GLIS3: variants seen among roughly 807,000 people sequenced by gnomAD.
GLIS3 encodes GLIS family zinc finger 3.
GLIS3 carries 53 observed loss-of-function variants against 78.6 expected under a neutral mutation model. The observed-to-expected ratio is 0.67, with a 90% CI of 0.54 to 0.85. GLIS3 has a LOEUF of 0.85. Ranked by LOEUF, GLIS3 falls within the 40% of genes least tolerant of loss-of-function variation. GLIS3 has a pLI of 0.00. For missense variants in GLIS3, 1,703 were observed against 1,231.1 expected (o/e 1.38, Z -5.74); for synonymous variants, 684 against 509.9 (o/e 1.34, Z -4.60).
At chr9:4,332,323 C>T (rs1355282897) in intron 2 of GLIS3, among the ~76,000 whole-genome samples, 2 of 152,296 alleles carry the variant, frequency 1.3e-5, no homozygotes, top group African/African-American at 2.4e-5. Context: ...TTAACTGGCC[C>T]TCATTACCCA....
At chr9:4,287,271 A>G (rs1563901691) in intron 1 of GLIS3, among the ~76,000 whole-genome samples, 1 of 152,202 alleles carries the variant, frequency 6.6e-6, no homozygotes, top group South Asian at 2.1e-4. Flanking sequence ...CGTCCCTTCT[A>G]AAAGTGACCT....
At chr9:3,925,710 A>G (rs1825175187) in intron 6 of GLIS3, among the ~76,000 whole-genome samples, 1 of 152,128 alleles carries the variant, frequency 6.6e-6, no homozygotes, top group African/African-American at 2.4e-5. Flanking sequence ...AACTTAAACA[A>G]TTGGGAAAAT....
intron 2 of GLIS3, among the ~76,000 whole-genome samples, chr9:4,230,932 T>C (rs1239507698): frequency 6.6e-6 from 1 of 152,136 alleles, no homozygotes; most frequent in Non-Finnish European, 1.5e-5. Flanking sequence ...TAGAGCCAGG[T>C]GCAGTGGCTC....
intron 9 of GLIS3, among the ~76,000 whole-genome samples, chr9:3,833,013 T>G (rs1818135898): frequency 6.6e-6 from 1 of 152,166 alleles, no homozygotes; most frequent in Non-Finnish European, 1.5e-5. Context: ...TCAAGTGTTG[T>G]GATATATGAG....
chr9:3,976,297 A>C (rs1481772194), intron 4 of GLIS3, among the ~76,000 whole-genome samples: 1 of 152,150 alleles, frequency 6.6e-6, no homozygotes, highest in Non-Finnish European at 1.5e-5. Context: ...AAAGATGTAA[A>C]TATCTTTCCA....
At chr9:4,016,006 C>A (rs1822404435) in intron 4 of GLIS3, among the ~76,000 whole-genome samples, 2 of 150,362 alleles carry the variant, frequency 1.3e-5, no homozygotes, top group Admixed American at 1.3e-4. Context: ...CTCAATTATA[C>A]ATGCCTGTGG....
intron 4 of GLIS3, among the ~76,000 whole-genome samples, chr9:4,075,062 T>C (rs1827929079): frequency 7.4e-6 from 1 of 134,412 alleles, no homozygotes; most frequent in Non-Finnish European, 1.5e-5. Context: ...CATTCAGTGA[T>C]GGAATTGAGC....
intron 4 of GLIS3, among the ~76,000 whole-genome samples, chr9:4,004,560 T>G (rs1380824649): frequency 6.6e-6 from 1 of 152,152 alleles, no homozygotes; most frequent in African/African-American, 2.4e-5. Flanking sequence ...AATGTTGATC[T>G]ACAAGAAAAA....
At chr9:3,998,090 A>C (rs750852741) in intron 4 of GLIS3, among the ~76,000 whole-genome samples, 1 of 152,128 alleles carries the variant, frequency 6.6e-6, no homozygotes, top group African/African-American at 2.4e-5. Flanking sequence ...AAATCCCTTT[A>C]GGCCAGCTCA....
chr9:3,903,862 A>AAAT (rs1823484635), intron 6 of GLIS3, among the ~76,000 whole-genome samples: 1 of 152,142 alleles, frequency 6.6e-6, no homozygotes. Flanking sequence ...GGAGTTGGAG[A>AAAT]AATTAGCTAA....
At chr9:3,875,077 T>C (rs559296003) in intron 8 of GLIS3, among the ~76,000 whole-genome samples, 3 of 152,348 alleles carry the variant, frequency 2.0e-5, no homozygotes, top group South Asian at 4.1e-4. Flanking sequence ...CCCATCAATA[T>C]TTTTGTTTTC....
At chr9:3,850,631 C>CT (rs1216283000) in intron 9 of GLIS3, among the ~76,000 whole-genome samples, 1 of 152,224 alleles carries the variant, frequency 6.6e-6, no homozygotes, top group African/African-American at 2.4e-5. Context: ...CAGCACTCTA[C>CT]TTGACTTTCC....
chr9:4,274,992 T>C (rs772304223), intron 2 of GLIS3, among the ~76,000 whole-genome samples: 2 of 152,324 alleles, frequency 1.3e-5, no homozygotes, highest in Middle Eastern at 6.8e-3. Flanking sequence ...ATTATTCAAA[T>C]AAGGCAGCCA....
At chr9:4,386,623 G>C in the GLIS3 span, 1 of 152,192 alleles carries the variant, frequency 6.6e-6, no homozygotes, top group Non-Finnish European at 1.5e-5. Context: ...GAGCTTGGGA[G>C]CTAAAAGGTC....
chr9:3,959,321 C>T (rs977731719), intron 4 of GLIS3, among the ~76,000 whole-genome samples: 1 of 152,184 alleles, frequency 6.6e-6, no homozygotes, highest in African/African-American at 2.4e-5. Flanking sequence ...TTTGCTGGCA[C>T]CTTGATATTC....
chr9:3,933,891 C>G (rs189244414), intron 5 of GLIS3, among the ~76,000 whole-genome samples: 60 of 152,270 alleles, frequency 3.9e-4, no homozygotes, highest in Non-Finnish European at 7.6e-4. Flanking sequence ...AAATCATGAA[C>G]ATATAATTTA....
intron 8 of GLIS3, among the ~76,000 whole-genome samples, chr9:3,876,693 G>GGGAGGGAGGGGAAGGGA (rs143762391): frequency 2.2e-3 from 1 of 464 alleles, no homozygotes. Context: ...AAGGGAGGGA[G>GGGAGGGAGGGGAAGGGA]GGGAGGGAGG....
intron 2 of GLIS3, among the ~76,000 whole-genome samples, chr9:4,320,450 C>A (rs1563931725): frequency 6.6e-6 from 1 of 152,206 alleles, no homozygotes; most frequent in Non-Finnish European, 1.5e-5. Context: ...TATTGCCAAG[C>A]CAGAAACTTA....
At chr9:3,833,286 C>T (rs953998828) in intron 9 of GLIS3, among the ~76,000 whole-genome samples, 1 of 152,168 alleles carries the variant, frequency 6.6e-6, no homozygotes, top group Non-Finnish European at 1.5e-5. Flanking sequence ...ACTAGAGATG[C>T]CAAATACACT....
Sources: allele counts gnomAD v4.1 joint callset (sites outside exome capture counted in the v4.1 genomes callset), GRCh38; gene constraint gnomAD v4.1.1; transcripts MANE v1.5; gene names NCBI Gene and HGNC (gene_info 2026-07-23, HGNC 2026-07-21).